The following SORL1 variants were observed in gnomAD, a reference collection of about 807,000 sequenced individuals.
SORL1 encodes sortilin-related receptor.
Under a neutral mutation model 273.7 loss-of-function variants are expected in SORL1, and 127 were observed. The observed-to-expected ratio is 0.46, with a 90% CI of 0.40 to 0.54. The LOEUF (loss-of-function observed/expected upper bound fraction) is 0.54, where lower values mean the gene tolerates loss of function less well. Among genes scored for constraint, SORL1 ranks in the 20% least tolerant of loss-of-function variants. The pLI, the probability that SORL1 is intolerant of heterozygous loss-of-function variation, is 0.00. For synonymous variants in SORL1, 1,031 were observed against 1,067.4 expected, an observed-to-expected ratio of 0.97 and a Z score of 0.66; for missense variants, 2,494 against 2,846.1, an observed-to-expected ratio of 0.88 and a Z score of 2.81.
At chr11:121,548,180 G>A (rs1301055074) in intron 14 of SORL1, among the ~76,000 whole-genome samples, 2 of 152,206 alleles carry the variant, frequency 1.3e-5, no homozygotes, top group Non-Finnish European at 2.9e-5. Flanking sequence ...ACTTTTAAAT[G>A]TATGATGGGG....
At chr11:121,558,375 A>G (rs1862622739) in intron 19 of SORL1, among the ~76,000 whole-genome samples, 2 of 152,194 alleles carry the variant, frequency 1.3e-5, no homozygotes, top group Non-Finnish European at 2.9e-5. Flanking sequence ...TTATCTTTGC[A>G]TAATTTGATT....
intron 6 of SORL1, among the ~76,000 whole-genome samples, chr11:121,509,535 G>A (rs561088244): frequency 1.9e-4 from 29 of 152,170 alleles, no homozygotes; most frequent in African/African-American, 7.0e-4. Flanking sequence ...GGAGTGCAGC[G>A]GCATGATCTC....
At chr11:121,603,737 T>C (rs942616767) in intron 32 of SORL1, among the ~76,000 whole-genome samples, 6 of 152,244 alleles carry the variant, frequency 3.9e-5, no homozygotes, top group Admixed American at 1.3e-4. Flanking sequence ...TCTTTCTAGA[T>C]TGCAAACTAA....
intron 21 of SORL1, among the ~76,000 whole-genome samples, chr11:121,564,310 T>C (rs1452174539): frequency 6.6e-6 from 1 of 152,208 alleles, no homozygotes; most frequent in Non-Finnish European, 1.5e-5. Context: ...TGCCCCTGCC[T>C]ACCTCTTAGG....
At chr11:121,476,092 A>G (rs1166204728) in intron 2 of SORL1, among the ~76,000 whole-genome samples, 6 of 152,200 alleles carry the variant, frequency 3.9e-5, no homozygotes, top group Non-Finnish European at 8.8e-5. Flanking sequence ...CCCTGAAGAT[A>G]TACGTGGGGG....
chr11:121,569,468 A>C (rs560623183), intron 22 of SORL1, among the ~76,000 whole-genome samples: 1 of 152,352 alleles, frequency 6.6e-6, no homozygotes, highest in African/African-American at 2.4e-5. Flanking sequence ...AACATCCCTG[A>C]GAAAGAGAAT....
At chr11:121,496,672 C>G (rs1422470108) in intron 5 of SORL1, among the ~76,000 whole-genome samples, 197 bp from the exon 6 acceptor site, 1 of 152,308 alleles carries the variant, frequency 6.6e-6, no homozygotes, top group South Asian at 2.1e-4. Context: ...ACATAAAACA[C>G]CTTGCAAATG....
At chr11:121,521,004 C>T (rs1862033881) in intron 9 of SORL1, among the ~76,000 whole-genome samples, 155 bp downstream of exon 9, 1 of 151,510 alleles carries the variant, frequency 6.6e-6, no homozygotes, top group Non-Finnish European at 1.5e-5. Flanking sequence ...TGTTGCTACA[C>T]TTGCAGTTCC....
chr11:121,577,153 G>A (rs912913795), intron 24 of SORL1, 128 bp from the exon 25 acceptor site: 9 of 1,298,972 alleles, frequency 6.9e-6, no homozygotes, highest in African/African-American at 5.9e-5. Flanking sequence ...AAGTCTCTTC[G>A]TTCATGGTCT....
At chr11:121,520,387 G>A (rs922553248) in intron 8 of SORL1, among the ~76,000 whole-genome samples, 1 of 152,224 alleles carries the variant, frequency 6.6e-6, no homozygotes, top group Non-Finnish European at 1.5e-5. Flanking sequence ...GAAATGTCTA[G>A]ATAGGCCAAT....
intron 8 of SORL1, among the ~76,000 whole-genome samples, chr11:121,517,622 T>A (rs1045267356): frequency 6.6e-6 from 1 of 152,220 alleles, no homozygotes; most frequent in Non-Finnish European, 1.5e-5. Flanking sequence ...TGTTTCATGC[T>A]GGGACAGAGT....
intron 1 of SORL1, among the ~76,000 whole-genome samples, chr11:121,464,920 A>G (rs765457824): frequency 1.3e-5 from 2 of 152,204 alleles, no homozygotes; most frequent in Non-Finnish European, 2.9e-5. Flanking sequence ...GAGATGAGAT[A>G]AAAGGAGCAC....
At position 121,606,862 on chromosome 11, in the gene SORL1, A is replaced by G. The variant is rs947561411; in HGVS notation, c.4966A>G (p.Asn1656Asp). 7 of 1,613,826 alleles carry G rather than the reference A, an allele frequency of 4.3e-6. No individual in the cohort carries two copies. In the Admixed American group the frequency reaches 1.0e-4, roughly 23 times the overall value. Residue 1656 changes from asparagine to aspartate, a missense_variant, in exon 36 of 48, where the codon AAT (asparagine) becomes GAT (aspartate). Asn to Asp is a conservative substitution (Grantham distance 23). This residue lies in a region of SORL1 where 1,609 missense variants were observed against 1,816.4 expected (regional missense o/e 0.89). Coordinates refer to ENST00000260197, the MANE Select transcript of SORL1 (RefSeq NM_003105.6). ...TPEGLPDAPR[N>D]LQLSLPREAE... ...TTTTCTAGTGCCAGATGCCCCTCGA[A>G]ATCTCCAGCTGTCACTCCCCAGGGA...
chr11:121,543,851 T>A, intron 13 of SORL1, 125 bp downstream of exon 13: 2 of 816,686 alleles, frequency 2.4e-6, no homozygotes, highest in Non-Finnish European at 3.7e-6. Flanking sequence ...GATGGGCCCA[T>A]AAGAGTTAGC....
chr11:121,629,505 A>T lies in SORL1; in HGVS notation c.6587A>T (p.Asp2196Val), dbSNP rs1263319273. 1.3e-6 allele frequency: 2 copies of T among 1,572,000 alleles called. No individual in the cohort carries two copies. The change falls in exon 48 of 48, where the codon GAT becomes GTT. Residue 2196 changes from aspartate (D) to valine (V), a missense_variant. Physicochemically the swap from Asp to Val is radical, Grantham distance 152. This residue lies in a region of SORL1 where 1,609 missense variants were observed against 1,816.4 expected (regional missense o/e 0.89). Transcript: ENST00000260197. ...ACTGTTTTGTCTCTAGGGGAAGATG[A>T]TGAAGATGCCCCTATGATAACTGGA... ...FSSGDDLGED[D>V]EDAPMITGFS...
At chr11:121,456,524 C>T (rs751580997) in intron 1 of SORL1, among the ~76,000 whole-genome samples, 34 of 152,278 alleles carry the variant, frequency 2.2e-4, no homozygotes, top group Admixed American at 1.2e-3. Flanking sequence ...ATGGCTCATT[C>T]GGTAGTGAGG....
At chr11:121,594,322 A>G (rs1247291408) in intron 31 of SORL1, among the ~76,000 whole-genome samples, 1 of 151,840 alleles carries the variant, frequency 6.6e-6, no homozygotes, top group African/African-American at 2.4e-5. Context: ...TATTAATGAT[A>G]TTTCCCTCTC....
chr11:121,567,105 T>C lies in SORL1; in HGVS notation c.3215T>C (p.Val1072Ala). Reference sequence around the variant, plus strand: ...TATCAGCTCAAGAACAATACCTGTGTCAAACAAGGTACTTCCCTTTTTCTT... The same window carrying C: ...TATCAGCTCAAGAACAATACCTGTGCCAAACAAGGTACTTCCCTTTTTCTT... ...QGYQLKNNTC[V>A]KQENTCLRNQ... Residue 1072 changes from valine to alanine, a missense_variant, in exon 22 of 48, where the codon GTC (valine) becomes GCC (alanine). Around this residue, in one of 3 missense-constraint regions of SORL1, gnomAD observed 1,609 missense variants for 1,816.4 expected, o/e 0.89. Coordinates refer to ENST00000260197, the MANE Select transcript of SORL1 (RefSeq NM_003105.6). The C allele has an allele frequency of 6.2e-7, 1 of 1,611,816 alleles. No individual in the cohort carries two copies. The highest frequency in any genetic ancestry group is 8.5e-7 in the Non-Finnish European group (1 of 1,179,148).
intron 1 of SORL1, among the ~76,000 whole-genome samples, chr11:121,468,428 A>AT (rs1324343849): frequency 6.0e-5 from 9 of 150,536 alleles, no homozygotes; most frequent in South Asian, 2.1e-4. Context: ...ACCTCTCAGA[A>AT]TTTTTTTTTT....
Sources: gnomAD v4.1 joint callset for allele counts (sites outside exome capture counted in the v4.1 genomes callset) on GRCh38, gnomAD v4.1.1 for gene constraint, gnomAD v4.1.1 regional missense constraint, MANE v1.5 for transcripts, NCBI Gene and HGNC (gene_info 2026-07-23, HGNC 2026-07-21) for gene names.